The following PLEK variants were observed in gnomAD, a reference collection of about 807,000 sequenced individuals.
PLEK encodes platelet 47 kDa protein.
Under a neutral mutation model 43.9 loss-of-function variants are expected in PLEK, and 25 were observed. The ratio of observed to expected loss-of-function variants is 0.57; its 90% CI spans 0.41 to 0.79. PLEK has a LOEUF of 0.79. PLEK is among the 30% of genes least tolerant of loss of function. The probability of loss-of-function intolerance (pLI) is 0.00; values close to 1 mark genes in which losing one functional copy is unlikely to be tolerated. For missense variants in PLEK, 396 were observed against 413.3 expected, an observed-to-expected ratio of 0.96 and a Z score of 0.36; for synonymous variants, 152 against 144.4, an observed-to-expected ratio of 1.05 and a Z score of -0.38.
At chr2:68,382,661 G>A in intron 4 of PLEK, 28 bp downstream of exon 4, 1 of 1,302,284 alleles carries the variant, frequency 7.7e-7, no homozygotes, top group Non-Finnish European at 1.1e-6. Context: ...CCTGAAATAG[G>A]GCGACTGGGA....
rs1360573338 is a variant in PLEK at position 68,386,528 on chromosome 2, T to A, written c.499T>A (p.Ser167Thr). The A allele has an allele frequency of 6.2e-6, 10 of 1,613,712 alleles. No homozygotes were observed. Among genetic ancestry groups the A allele is most frequent in the Non-Finnish European group, 8.5e-6 (10 of 1,179,812 alleles). The change falls in exon 5 of 9, where the codon TCC (serine) becomes ACC (threonine). Residue 167 changes from serine (S) to threonine (T), a missense_variant. By Grantham distance (58) the Ser-to-Thr change is moderately conservative. Transcript: ENST00000234313. Reference protein sequence around the residue: ...TGNCVIDWLVSNQSVRNRQEG... With the variant: ...TGNCVIDWLVTNQSVRNRQEG... Reference sequence around the variant, plus strand: ...TAACTGCGTCATTGATTGGCTGGTATCCAACCAGTCTGTTAGGAATCGCCA... The same window carrying A: ...TAACTGCGTCATTGATTGGCTGGTAACCAACCAGTCTGTTAGGAATCGCCA...
chr2:68,387,177 C>T (rs763049120), intron 5 of PLEK, among the ~76,000 whole-genome samples: 3 of 151,960 alleles, frequency 2.0e-5, no homozygotes, highest in Non-Finnish European at 2.9e-5. Context: ...AGCTAATTTT[C>T]GTATTTTTAG....
At chr2:68,388,341 G>A in intron 5 of PLEK, 46 bp from the exon 6 acceptor site, 1 of 1,111,746 alleles carries the variant, frequency 9.0e-7, no homozygotes, top group Non-Finnish European at 1.4e-6. Flanking sequence ...AAGTTGCAAT[G>A]TGCCTAAGAC....
At chr2:68,366,767 G>T (rs1037852178) in intron 1 of PLEK, among the ~76,000 whole-genome samples, 1 of 152,142 alleles carries the variant, frequency 6.6e-6, no homozygotes, top group Non-Finnish European at 1.5e-5. Context: ...GGCGAGACCT[G>T]GTAATAATTA....
chr2:68,376,385 T>A (rs1200580229), intron 1 of PLEK, among the ~76,000 whole-genome samples: 1 of 152,142 alleles, frequency 6.6e-6, no homozygotes, highest in East Asian at 1.9e-4. Flanking sequence ...TCCAGTAGAA[T>A]GACAGTCCTC....
rs1288994027 is a variant in PLEK at position 68,394,185 on chromosome 2, A to T, written c.916+9A>T. 6.4e-7 allele frequency: 1 copy of T among 1,569,074 alleles called. No individual in the cohort carries two copies. The highest frequency in any genetic ancestry group is 2.2e-5 in the East Asian group (1 of 44,664). On this transcript the variant is annotated intron_variant, in intron 8 of 8. Transcript: ENST00000234313. ...GGAGAGCAACTCAAATGGTAAGATG[A>T]ATTTCTGTGTGAGAGAGGTGGGTCT... is the stretch of plus-strand genomic sequence containing the variant.
intron 4 of PLEK, among the ~76,000 whole-genome samples, chr2:68,385,847 C>G (rs1049313605): frequency 6.6e-6 from 1 of 152,216 alleles, no homozygotes; most frequent in African/African-American, 2.4e-5. Flanking sequence ...TCGCAACTGA[C>G]TTATAGCAGA....
intron 1 of PLEK, among the ~76,000 whole-genome samples, chr2:68,377,564 G>A (rs1278464442): frequency 6.6e-6 from 1 of 152,128 alleles, no homozygotes; most frequent in African/African-American, 2.4e-5. Context: ...CCATTTGTAT[G>A]TCTGCCTTTG....
At chr2:68,377,218 C>G (rs1673522902) in intron 1 of PLEK, among the ~76,000 whole-genome samples, 1 of 152,190 alleles carries the variant, frequency 6.6e-6, no homozygotes, top group Non-Finnish European at 1.5e-5. Context: ...GTGAACAGTG[C>G]TGCAACCAAC....
chr2:68,388,529 TTTA>T (rs1265947754), intron 6 of PLEK, 38 bp downstream of exon 6: 1 of 1,050,296 alleles, frequency 9.5e-7, no homozygotes, highest in Admixed American at 1.7e-5. Context: ...GCCTTTTCCC[TTTA>T]CAAGGTCCTT....
Position 68,380,566 on chromosome 2 carries a change from G to T in PLEK, c.198+83G>T, listed in dbSNP as rs569080444. On this transcript the variant is annotated intron_variant, in intron 2 of 8. Transcript: ENST00000234313. ...AAGCATTGCCTACAATGTGGGTGGT[G>T]CTCCTTGGGCTGGTCCCTCTCACCA... is the stretch of plus-strand genomic sequence containing the variant. 1.2e-5 allele frequency: 17 copies of T among 1,455,806 alleles called. No homozygotes were observed. In the South Asian group the frequency reaches 1.9e-4, roughly 16 times the overall value. The allele number at this position is 1,455,806 out of a possible 1,614,324, so 90.2% of individuals were successfully genotyped here.
At chr2:68,386,396 G>A (rs1449997911) in intron 4 of PLEK, 106 bp from the exon 5 acceptor site, 7 of 732,574 alleles carry the variant, frequency 9.6e-6, no homozygotes, top group Admixed American at 2.8e-5. Flanking sequence ...CAGGGGAGAC[G>A]AGACAAGTCA....
At chr2:68,378,290 AG>A (rs1020020581) in intron 1 of PLEK, among the ~76,000 whole-genome samples, 5 of 152,208 alleles carry the variant, frequency 3.3e-5, no homozygotes, top group African/African-American at 9.6e-5. Context: ...GCTCAAATGT[AG>A]GTTCGAGTTT....
At chr2:68,393,956 T>C in intron 7 of PLEK, 151 bp from the exon 8 acceptor site, 2 of 585,998 alleles carry the variant, frequency 3.4e-6, no homozygotes, top group South Asian at 3.7e-5. Context: ...CTTAGATCTG[T>C]CAGCAGTTTT....
At chr2:68,392,605 C>T (rs1316264327) in intron 6 of PLEK, among the ~76,000 whole-genome samples, 1 of 152,220 alleles carries the variant, frequency 6.6e-6, no homozygotes, top group Non-Finnish European at 1.5e-5. Flanking sequence ...TGCATTCCCA[C>T]TTCTGCTCTT....
At chr2:68,368,407 C>A (rs1673324950) in intron 1 of PLEK, among the ~76,000 whole-genome samples, 1 of 152,214 alleles carries the variant, frequency 6.6e-6, no homozygotes, top group Non-Finnish European at 1.5e-5. Context: ...GATTCGTCCA[C>A]AGTGAAACAT....
intron 1 of PLEK, among the ~76,000 whole-genome samples, chr2:68,370,188 T>G (rs918799708): frequency 6.6e-6 from 1 of 152,254 alleles, no homozygotes; most frequent in Non-Finnish European, 1.5e-5. Flanking sequence ...AATTTTCCTT[T>G]GAATTCCAGC....
intron 4 of PLEK, among the ~76,000 whole-genome samples, chr2:68,383,351 C>CA (rs1476230728): frequency 1.3e-5 from 2 of 151,778 alleles, no homozygotes; most frequent in Admixed American, 6.6e-5. Context: ...TCCAGGGGTT[C>CA]AAAAAAAGAG....
Position 68,380,367 on chromosome 2 carries a change from T to C in PLEK, c.82T>C (p.Leu28=), listed in dbSNP as rs1323282200. ...TACGTGGAAACCCATGTGGGTTGTA[T>C]TGTTAGAAGATGGAATTGAATTCTA... ...FNTWKPMWVV[L]LEDGIEFYKK... Residue 28 remains leucine, a synonymous_variant, in exon 2 of 9, where the codon TTG becomes CTG. Coordinates refer to ENST00000234313, the MANE Select transcript of PLEK (RefSeq NM_002664.3). 2 of 1,613,684 alleles carry C rather than the reference T, an allele frequency of 1.2e-6. No individual in the cohort carries two copies. The highest frequency in any genetic ancestry group is 1.7e-5 in the Admixed American group (1 of 59,988).
Sources: allele counts gnomAD v4.1 joint callset (sites outside exome capture counted in the v4.1 genomes callset), GRCh38; gene constraint gnomAD v4.1.1; transcripts MANE v1.5; gene names NCBI Gene and HGNC (gene_info 2026-07-23, HGNC 2026-07-21).